ABHD12: variants seen among roughly 807,000 people sequenced by gnomAD.
ABHD12 encodes the protein lysophosphatidylserine lipase ABHD12.
Under a neutral mutation model 58.3 loss-of-function variants are expected in ABHD12, and 43 were observed. That is an observed-to-expected ratio of 0.74 (90% CI 0.58 to 0.95). The LOEUF (loss-of-function observed/expected upper bound fraction) is 0.95. ABHD12 is among the 40% of genes least tolerant of loss of function. The probability of loss-of-function intolerance (pLI) is 0.00; values close to 1 mark genes in which losing one functional copy is unlikely to be tolerated. For synonymous variants in ABHD12, 219 were observed against 211.2 expected (o/e 1.04, Z -0.32); for missense variants, 539 against 537.2 (o/e 1.00, Z -0.03).
intron 1 of ABHD12, among the ~76,000 whole-genome samples, chr20:25,387,266 G>GA (rs1333386164): frequency 6.6e-6 from 1 of 152,024 alleles, no homozygotes; most frequent in Non-Finnish European, 1.5e-5. Flanking sequence ...AATGCAATCA[G>GA]AAAAGAAAAA....
At chr20:25,322,302 A>T (rs190807773) in intron 3 of ABHD12, among the ~76,000 whole-genome samples, 1 of 148,768 alleles carries the variant, frequency 6.7e-6, no homozygotes, top group Non-Finnish European at 1.5e-5. Flanking sequence ...GCTGGTGCGA[A>T]GCTATATGTG....
chr20:25,308,437 G>A lies in ABHD12; in HGVS notation c.787+20C>T. ...CCCTGAATGCTCACTGCCACGGCTG[G>A]GGCCCAACAAGGCACTCACCTCGCT... On this transcript the variant is annotated intron_variant, in intron 8 of 12. Transcript: ENST00000339157. 1 of 1,610,030 alleles carries A rather than the reference G, an allele frequency of 6.2e-7. No homozygotes were observed.
At chr20:25,362,545 C>T (rs1258534304) in intron 1 of ABHD12, among the ~76,000 whole-genome samples, 2 of 129,638 alleles carry the variant, frequency 1.5e-5, no homozygotes, top group African/African-American at 5.9e-5. Flanking sequence ...CAGCCTAGGT[C>T]ACAGAGCGAG....
intron 2 of ABHD12, among the ~76,000 whole-genome samples, chr20:25,335,883 A>G (rs1249871632): frequency 6.6e-6 from 1 of 150,684 alleles, no homozygotes; most frequent in Non-Finnish European, 1.5e-5. Context: ...GGTGCAGCAC[A>G]CCAGCATGGC....
At chr20:25,307,896 C>T (rs1328411810) in intron 9 of ABHD12, 70 bp downstream of exon 9, 3 of 721,698 alleles carry the variant, frequency 4.2e-6, no homozygotes, top group African/African-American at 1.8e-5. Flanking sequence ...TATAATGTAT[C>T]CTGTAATTAG....
intron 1 of ABHD12, chr20:25,368,769 C>T: frequency 3.4e-6 from 3 of 889,444 alleles, no homozygotes; most frequent in Non-Finnish European, 5.5e-6. Flanking sequence ...TTGACCATGG[C>T]TGATAGTACA....
intron 6 of ABHD12, among the ~76,000 whole-genome samples, chr20:25,314,450 G>A (rs2088922183): frequency 6.6e-6 from 1 of 152,134 alleles, no homozygotes; most frequent in Admixed American, 6.5e-5. Context: ...GGCTGAGGCA[G>A]GAGGATCGCT....
chr20:25,331,764 G>C (rs199753242), intron 2 of ABHD12, among the ~76,000 whole-genome samples: 1 of 151,964 alleles, frequency 6.6e-6, no homozygotes, highest in Non-Finnish European at 1.5e-5. Context: ...CTGAGAGATT[G>C]TGTCACCACC....
Position 25,390,623 on chromosome 20 carries a change from G to T in ABHD12, c.81C>A (p.Ala27=). 2 of 1,460,774 alleles carry T rather than the reference G, an allele frequency of 1.4e-6. No homozygotes were observed. Among genetic ancestry groups the T allele is most frequent in the Non-Finnish European group, 1.8e-6 (2 of 1,111,784 alleles). The allele number at this position is 1,460,774 out of a possible 1,614,324, so 90.5% of individuals were successfully genotyped here. The change falls in exon 1 of 13, where the codon GCC becomes GCA. Residue 27 remains alanine (A), a synonymous_variant. Transcript: ENST00000339157. The part of the protein sequence containing the change: ...AAGSSSSGSA[A]AALDADCRLK... ...GGCGGCAGTCGGCGTCCAGCGCCGC[G>T]GCGGCCGAGCCGGAGGAGGACGAGC... is the stretch of plus-strand genomic sequence containing the variant.
At chr20:25,311,791 G>A (rs539959814) in intron 6 of ABHD12, among the ~76,000 whole-genome samples, 2 of 151,980 alleles carry the variant, frequency 1.3e-5, no homozygotes, top group African/African-American at 4.8e-5. Flanking sequence ...TGCAACCTCC[G>A]CCTCCTGGGC....
At chr20:25,336,252 TAAC>T (rs1205863475) in intron 2 of ABHD12, among the ~76,000 whole-genome samples, 2 of 152,120 alleles carry the variant, frequency 1.3e-5, no homozygotes, top group African/African-American at 2.4e-5. Context: ...ACTACGGTGT[TAAC>T]AAGCATTTTC....
At chr20:25,306,054 G>A (rs1247591243) in intron 10 of ABHD12, among the ~76,000 whole-genome samples, 2 of 151,848 alleles carry the variant, frequency 1.3e-5, no homozygotes, top group Non-Finnish European at 2.9e-5. Flanking sequence ...GTAATCCCAG[G>A]TACTCGGGAG....
At chr20:25,349,141 C>T (rs540149029) in intron 1 of ABHD12, among the ~76,000 whole-genome samples, 3 of 146,898 alleles carry the variant, frequency 2.0e-5, no homozygotes, top group East Asian at 2.0e-4. Context: ...TCTGGCAAAA[C>T]GGGGAAAATA....
chr20:25,323,344 C>G lies in ABHD12; in HGVS notation c.403G>C (p.Asp135His). Residue 135 changes from aspartate (D) to histidine (H), a missense_variant, in exon 3 of 13, where the codon GAC becomes CAC. By Grantham distance (81) the Asp-to-His change is moderately conservative. Transcript: ENST00000339157. ...ACTCACCAGACTCCAATGGTCACGT[C>G]TTCCTCTGGCTGCAGGTAGTAGTTA... is the stretch of plus-strand genomic sequence containing the variant. ...TCNYYLQPEEDVTIGVWHTVP... is the reference protein window; with the variant it reads ...TCNYYLQPEEHVTIGVWHTVP... 1.2e-6 allele frequency: 2 copies of G among 1,613,940 alleles called. No homozygotes were observed. Among genetic ancestry groups the G allele is most frequent in the Non-Finnish European group, 1.7e-6 (2 of 1,179,796 alleles).
Position 25,300,697 on chromosome 20 carries a change from G to A in ABHD12, c.*148C>T, listed in dbSNP as rs1046073. 0.45 allele frequency: 694,217 copies of A among 1,542,216 alleles called. 162,222 individuals carry two copies. The highest frequency in any genetic ancestry group is 0.92 in the East Asian group (37,737 of 41,178). On this transcript the variant is annotated 3_prime_UTR_variant, in exon 13 of 13. Coordinates refer to ENST00000339157, the MANE Select transcript of ABHD12 (RefSeq NM_001042472.3). ...ACTGCAGGCCTGCAGGGGCCTCCCC[G>A]CCTGGGATCTGAGGTGCTCTCCAGG...
chr20:25,301,081 G>A lies in ABHD12; in HGVS notation c.1158-197C>T, dbSNP rs573501127. ...ACAAGCAGTGTGGTGCCAAGTCAAA[G>A]CCCAACACACAGGCATGGAGACAAG... On this transcript the variant is annotated intron_variant, in intron 12 of 12. Transcript: ENST00000339157. 3.3e-5 allele frequency among the ~76,000 whole-genome samples: 5 copies of A among 152,350 alleles called. No homozygotes were observed. In the South Asian group the frequency reaches 1.0e-3, roughly 32 times the overall value.
intron 1 of ABHD12, among the ~76,000 whole-genome samples, chr20:25,356,599 C>T (rs1331179671): frequency 6.6e-6 from 1 of 152,210 alleles, no homozygotes; most frequent in Admixed American, 6.5e-5. Context: ...ACTGTTTGAA[C>T]AACCTGCCCT....
chr20:25,385,743 C>T (rs1234192468), intron 1 of ABHD12, among the ~76,000 whole-genome samples: 1 of 152,070 alleles, frequency 6.6e-6, no homozygotes, highest in Non-Finnish European at 1.5e-5. Flanking sequence ...GACAGTTTTA[C>T]AAGAGAATTT....
chr20:25,331,609 G>A (rs186235512), intron 2 of ABHD12, among the ~76,000 whole-genome samples: 22 of 151,886 alleles, frequency 1.4e-4, no homozygotes, highest in Admixed American at 3.3e-4. Context: ...CAGACCTCTC[G>A]GCAGAAACTC....
Sources: gnomAD v4.1 joint callset for allele counts (sites outside exome capture counted in the v4.1 genomes callset) on GRCh38, gnomAD v4.1.1 for gene constraint, MANE v1.5 for transcripts, NCBI Gene and HGNC (gene_info 2026-07-23, HGNC 2026-07-21) for gene names.